NAALADL2: variants seen among roughly 807,000 people sequenced by gnomAD.
NAALADL2 encodes N-acetylated alpha-linked acidic dipeptidase like 2, also known as inactive N-acetylated-alpha-linked acidic dipeptidase-like protein 2.
Under a neutral mutation model 87.2 loss-of-function variants are expected in NAALADL2, and 76 were observed. That is an observed-to-expected ratio of 0.87 (90% CI 0.72 to 1.05). The LOEUF is 1.05. Ranked by LOEUF, NAALADL2 falls within the 50% of genes least tolerant of loss-of-function variation. The pLI is 0.00. For synonymous variants in NAALADL2, 354 were observed against 331.0 expected (o/e 1.07, Z -0.75); for missense variants, 1,089 against 945.8 (o/e 1.15, Z -1.99).
chr3:175,561,431 A>AT (rs903172050), intron 9 of NAALADL2, among the ~76,000 whole-genome samples: 24 of 152,070 alleles, frequency 1.6e-4, no homozygotes, highest in Admixed American at 1.5e-3. Flanking sequence ...ATTGAAACTA[A>AT]TTTTTTTTAG....
intron 1 of NAALADL2, among the ~76,000 whole-genome samples, chr3:175,038,854 A>T (rs1753723562): frequency 6.6e-6 from 1 of 152,112 alleles, no homozygotes. Context: ...CAGTTTTGAA[A>T]GTGAAAGAGG....
chr3:174,685,762 A>C (rs1182338186), intron 2 of NAALADL2, among the ~76,000 whole-genome samples: 1 of 152,094 alleles, frequency 6.6e-6, no homozygotes, highest in Non-Finnish European at 1.5e-5. Context: ...CGATTATTTC[A>C]TCACCCATGT....
intron 2 of NAALADL2, among the ~76,000 whole-genome samples, chr3:174,725,780 A>C (rs141677665): frequency 9.9e-5 from 15 of 152,186 alleles, no homozygotes; most frequent in African/African-American, 3.6e-4. Flanking sequence ...TTTGAACCAC[A>C]GTGATATTGC....
intron 1 of NAALADL2, among the ~76,000 whole-genome samples, chr3:175,027,111 A>T (rs180806027): frequency 1.4e-4 from 22 of 152,206 alleles, no homozygotes; most frequent in Admixed American, 6.6e-4. Flanking sequence ...CTTGGAAAGC[A>T]TATTACATTT....
chr3:174,984,183 A>C (rs1371976591), intron 1 of NAALADL2, among the ~76,000 whole-genome samples: 1 of 152,252 alleles, frequency 6.6e-6, no homozygotes, highest in African/African-American at 2.4e-5. Flanking sequence ...CAAAATATAA[A>C]AACATAAAAG....
intron 2 of NAALADL2, among the ~76,000 whole-genome samples, chr3:175,195,146 T>C (rs760602153): frequency 6.6e-6 from 1 of 151,800 alleles, no homozygotes; most frequent in Non-Finnish European, 1.5e-5. Context: ...ATTTGGATGA[T>C]AATTGAAAGT....
chr3:175,134,408 G>A (rs1728759223), intron 2 of NAALADL2, among the ~76,000 whole-genome samples: 1 of 151,182 alleles, frequency 6.6e-6, no homozygotes, highest in South Asian at 2.1e-4. Flanking sequence ...TTCATCATGA[G>A]TGTCATCAGC....
In NAALADL2 at chr3:175,358,782, CTTTAAAAG is replaced by C. The variant is rs144520647; in HGVS notation, c.1090+34458_1090+34465del. Among the ~76,000 whole-genome samples the C allele has an allele frequency of 7.2e-4, 109 of 152,202 alleles. 1 individual carries two copies. Among genetic ancestry groups the C allele is most frequent in the African/African-American group, 2.5e-3 (102 of 41,558 alleles). On this transcript the variant is annotated intron_variant, in intron 5 of 13. Coordinates refer to ENST00000454872, the MANE Select transcript of NAALADL2 (RefSeq NM_207015.3). ...ATTGCCACCATTCTAAATAGCATATCTTTAAAAGATAAATGAAGATTTGAGCACAATGC... is the reference window on the plus strand; with the variant it reads ...ATTGCCACCATTCTAAATAGCATATCATAAATGAAGATTTGAGCACAATGC...
intron 11 of NAALADL2, among the ~76,000 whole-genome samples, chr3:175,724,363 G>A (rs929554415): frequency 4.6e-5 from 7 of 152,132 alleles, no homozygotes; most frequent in Non-Finnish European, 8.8e-5. Context: ...AGTGTGCTCT[G>A]TTGGTGCAGC....
chr3:175,230,744 TTAAAAG>T (rs1744830692), intron 2 of NAALADL2, among the ~76,000 whole-genome samples: 1 of 151,966 alleles, frequency 6.6e-6, no homozygotes, highest in African/African-American at 2.4e-5. Context: ...AAAATAAAAT[TTAAAAG>T]TAAAATAAAA....
chr3:175,732,052 A>G (rs1743833481), intron 11 of NAALADL2, among the ~76,000 whole-genome samples: 2 of 152,280 alleles, frequency 1.3e-5, no homozygotes, highest in Middle Eastern at 3.4e-3. Flanking sequence ...GTGGAATTGA[A>G]GGATAATTTA....
At chr3:174,877,743 G>C (rs956319264) in intron 1 of NAALADL2, among the ~76,000 whole-genome samples, 6 of 151,884 alleles carry the variant, frequency 4.0e-5, no homozygotes, top group Non-Finnish European at 8.8e-5. Flanking sequence ...GGGAGAAGCA[G>C]TAAGACCAAT....
intron 4 of NAALADL2, among the ~76,000 whole-genome samples, chr3:175,268,363 G>T (rs539240530): frequency 1.3e-5 from 2 of 152,192 alleles, no homozygotes; most frequent in African/African-American, 4.8e-5. Flanking sequence ...CCTGTATAGG[G>T]CACTTAGCGT....
At chr3:175,240,398 C>T (rs1306050340) in intron 3 of NAALADL2, among the ~76,000 whole-genome samples, 1 of 152,150 alleles carries the variant, frequency 6.6e-6, no homozygotes, top group Non-Finnish European at 1.5e-5. Context: ...AATCAGATGC[C>T]TATTTTCTCA....
intron 1 of NAALADL2, among the ~76,000 whole-genome samples, chr3:175,070,286 T>TG (rs1349845033): frequency 1.3e-5 from 2 of 150,842 alleles, no homozygotes; most frequent in African/African-American, 4.9e-5. Flanking sequence ...GTATAAATTT[T>TG]TATTTTTAGG....
intron 11 of NAALADL2, among the ~76,000 whole-genome samples, chr3:175,721,103 T>C (rs1236424295): frequency 6.6e-6 from 1 of 152,082 alleles, no homozygotes; most frequent in Non-Finnish European, 1.5e-5. Flanking sequence ...AGGGCTTTAA[T>C]GAGGTGTGAG....
At chr3:174,951,152 T>C (rs1579687589) in intron 1 of NAALADL2, among the ~76,000 whole-genome samples, 2 of 152,112 alleles carry the variant, frequency 1.3e-5, no homozygotes, top group East Asian at 3.8e-4. Context: ...TACAACCCTA[T>C]TTTAGTTAGA....
chr3:175,633,672 T>G (rs189297658), intron 11 of NAALADL2, among the ~76,000 whole-genome samples: 1 of 152,066 alleles, frequency 6.6e-6, no homozygotes, highest in Admixed American at 6.6e-5. Context: ...ATGACCTAAT[T>G]CTTCTTGTAA....
intron 10 of NAALADL2, among the ~76,000 whole-genome samples, chr3:175,592,710 G>C (rs569819197): frequency 2.8e-5 from 4 of 142,434 alleles, no homozygotes; most frequent in African/African-American, 1.0e-4. Context: ...GGACACAGGA[G>C]GGGGAACATC....
Sources: gnomAD v4.1 joint callset for allele counts (sites outside exome capture counted in the v4.1 genomes callset) on GRCh38, gnomAD v4.1.1 for gene constraint, MANE v1.5 for transcripts, NCBI Gene and HGNC (gene_info 2026-07-23, HGNC 2026-07-21) for gene names.